CNOT4: variants seen among roughly 807,000 people sequenced by gnomAD.
CNOT4 encodes CCR4-associated factor 4.
Under a neutral mutation model 73.8 loss-of-function variants are expected in CNOT4, and 8 were observed. The observed-to-expected ratio is 0.11, with a 90% CI of 0.06 to 0.20. The LOEUF is 0.20. Among genes scored for constraint, CNOT4 ranks in the 10% least tolerant of loss-of-function variants. The pLI, the probability that CNOT4 is intolerant of heterozygous loss-of-function variation, is 1.00. For synonymous variants in CNOT4, 293 were observed against 321.1 expected, an observed-to-expected ratio of 0.91 and a Z score of 0.94; for missense variants, 564 against 883.4, an observed-to-expected ratio of 0.64 and a Z score of 4.58.
At chr7:135,457,333 G>A (rs1800601060) in intron 1 of CNOT4, among the ~76,000 whole-genome samples, 1 of 151,826 alleles carries the variant, frequency 6.6e-6, no homozygotes, top group South Asian at 2.1e-4. Flanking sequence ...AGAAATGGAA[G>A]GAAGAAATGT....
rs77841106 is a variant in CNOT4, at chr7:135,398,201, G to C, written c.847C>G (p.Leu283Val). The C allele has an allele frequency of 0.081, 124,971 of 1,539,744 alleles. 5,764 individuals carry two copies. The highest frequency in any genetic ancestry group is 0.094 in the Non-Finnish European group (104,893 of 1,113,312). Residue 283 changes from leucine to valine, a missense_variant, in exon 8 of 12, where the codon CTC becomes GTC. Leu to Val is a conservative substitution (Grantham distance 32, BLOSUM62 1). Coordinates refer to ENST00000541284, the MANE Select transcript of CNOT4 (RefSeq NM_001190850.2). Reference sequence around the variant, plus strand: ...GAATTATCACCGTTCCCTATACTGAGAGAATCTGAAGGTTTGTCAATGGGG... The same window carrying C: ...GAATTATCACCGTTCCCTATACTGACAGAATCTGAAGGTTTGTCAATGGGG... ...DTPIDKPSDS[L>V]SIGNGDNSQQ...
intron 2 of CNOT4, among the ~76,000 whole-genome samples, chr7:135,427,763 T>C (rs553420999): frequency 1.4e-5 from 2 of 145,382 alleles, no homozygotes; most frequent in Non-Finnish European, 3.0e-5. Context: ...AACATAAAAA[T>C]TTTTTTTTTC....
chr7:135,502,814 C>T (rs1475342253), intron 1 of CNOT4, among the ~76,000 whole-genome samples: 1 of 119,806 alleles, frequency 8.3e-6, no homozygotes, highest in Non-Finnish European at 1.8e-5. Flanking sequence ...AAAACTCCAT[C>T]TCAAAAAAAA....
At chr7:135,483,537 C>G (rs2129487369) in intron 1 of CNOT4, among the ~76,000 whole-genome samples, 1 of 151,668 alleles carries the variant, frequency 6.6e-6, no homozygotes, top group South Asian at 2.1e-4. Context: ...AAAAAAACTC[C>G]AAGCAGGCCA....
chr7:135,419,418 A>G (rs1329117675), intron 3 of CNOT4, among the ~76,000 whole-genome samples: 1 of 152,142 alleles, frequency 6.6e-6, no homozygotes, highest in Non-Finnish European at 1.5e-5. Flanking sequence ...CCAAATACTA[A>G]AAAGGTTATA....
chr7:135,475,836 A>G (rs1408030820), intron 1 of CNOT4, among the ~76,000 whole-genome samples: 1 of 152,130 alleles, frequency 6.6e-6, no homozygotes, highest in African/African-American at 2.4e-5. Context: ...GCTTGAGCCC[A>G]GGAAGTCAGG....
Position 135,394,202 on chromosome 7 carries a change from C to T in CNOT4, c.1343G>A (p.Gly448Asp). 3 of 1,614,112 alleles carry T rather than the reference C, an allele frequency of 1.9e-6. No homozygotes were observed. Among genetic ancestry groups the T allele is most frequent in the Non-Finnish European group, 2.5e-6 (3 of 1,179,992 alleles). ...AGGATGCAGGAATCCAGAGCCTGGA[C>T]CTTTGGCGGTTGTAGTGTGTGAAGA... ...NSSSHTTTAK[G>D]PGSGFLHPAA... The change falls in exon 10 of 12, where the codon GGT becomes GAT. Residue 448 changes from glycine to aspartate, a missense_variant. Physicochemically the swap from Gly to Asp is moderately conservative, Grantham distance 94. Around this residue, in one of 10 missense-constraint regions of CNOT4, gnomAD observed 153 missense variants for 158.7 expected, o/e 0.96. Coordinates refer to ENST00000541284, the MANE Select transcript of CNOT4 (RefSeq NM_001190850.2).
chr7:135,434,320 C>G (rs540879142), intron 2 of CNOT4, among the ~76,000 whole-genome samples: 7 of 152,364 alleles, frequency 4.6e-5, no homozygotes, highest in Admixed American at 2.0e-4. Flanking sequence ...CTGCGCTGAG[C>G]AGATTCTCTG....
At chr7:135,476,539 T>C (rs1005676555) in intron 1 of CNOT4, among the ~76,000 whole-genome samples, 1 of 152,226 alleles carries the variant, frequency 6.6e-6, no homozygotes, top group Non-Finnish European at 1.5e-5. Context: ...GAGCTGGGCA[T>C]AGTGGTATGC....
chr7:135,395,902 C>A lies in CNOT4; in HGVS notation c.880-19G>T. 1.9e-6 allele frequency: 3 copies of A among 1,545,630 alleles called. No individual in the cohort carries two copies. The highest frequency in any genetic ancestry group is 2.7e-6 in the Non-Finnish European group (3 of 1,119,482). ...TAGATATCTGAATAAAAAAGGAAAA[C>A]AAATAATAACTACATGTTTATACAT... On this transcript the variant is annotated intron_variant, in intron 8 of 11. Transcript: ENST00000541284.
intron 1 of CNOT4, among the ~76,000 whole-genome samples, chr7:135,504,296 T>C (rs1257407318): frequency 7.2e-6 from 1 of 139,436 alleles, no homozygotes; most frequent in East Asian, 2.1e-4. Flanking sequence ...GATCTACTAA[T>C]TTTTTTTTTT....
intron 7 of CNOT4, among the ~76,000 whole-genome samples, chr7:135,409,863 C>G (rs1797498443): frequency 6.6e-6 from 1 of 151,860 alleles, no homozygotes; most frequent in African/African-American, 2.4e-5. Flanking sequence ...TCTGACAGGC[C>G]ATAACAAAAT....
intron 1 of CNOT4, among the ~76,000 whole-genome samples, chr7:135,470,147 G>T (rs917267717): frequency 6.7e-6 from 1 of 149,938 alleles, no homozygotes; most frequent in Non-Finnish European, 1.5e-5. Flanking sequence ...GGGGGGGGAG[G>T]CCAGGGTCTC....
chr7:135,424,036 ACAAAAC>A (rs1168351894), intron 2 of CNOT4, among the ~76,000 whole-genome samples: 130 of 135,232 alleles, frequency 9.6e-4, no homozygotes, highest in Non-Finnish European at 1.3e-3. Flanking sequence ...AAACAAACAA[ACAAAAC>A]ACACACACAC....
At chr7:135,444,047 G>A (rs1172002632) in intron 1 of CNOT4, among the ~76,000 whole-genome samples, 2 of 151,992 alleles carry the variant, frequency 1.3e-5, no homozygotes, top group African/African-American at 2.4e-5. Flanking sequence ...GGCCGAGGTA[G>A]GAGGATCACC....
Position 135,393,988 on chromosome 7 carries a change from T to G in CNOT4, c.1557A>C (p.Ser519=), listed in dbSNP as rs755914315. 2 of 1,613,964 alleles carry G rather than the reference T, an allele frequency of 1.2e-6. No homozygotes were observed. The highest frequency in any genetic ancestry group is 2.2e-5 in the South Asian group (2 of 91,066). ...MHLNHTANPT[S]NSNFLDLNLP... is the part of the protein sequence containing the mutation. ...GATTCAAGTCCAAGAAATTACTATTTGAGGTGGGGTTTGCTGTGTGGTTCA... is the reference window on the plus strand; with the variant it reads ...GATTCAAGTCCAAGAAATTACTATTGGAGGTGGGGTTTGCTGTGTGGTTCA... Residue 519 remains serine, a synonymous_variant, in exon 10 of 12, where the codon TCA becomes TCC. Transcript: ENST00000541284.
rs1211207455 is a variant in CNOT4 at position 135,415,600 on chromosome 7, T to C, written c.373-338A>G. Among the ~76,000 whole-genome samples the C allele has an allele frequency of 2.0e-5, 3 of 152,208 alleles. No homozygotes were observed. The East Asian group carries it at 5.8e-4, about 29-fold the overall frequency. On this transcript the variant is annotated intron_variant, in intron 3 of 11. Coordinates refer to ENST00000541284, the MANE Select transcript of CNOT4 (RefSeq NM_001190850.2). ...AAACAGATCAAAGATCTTAACTACATTGCCATTAAGAGATGATCCTTACAC... is the reference window on the plus strand; with the variant it reads ...AAACAGATCAAAGATCTTAACTACACTGCCATTAAGAGATGATCCTTACAC...
chr7:135,366,367 G>A (rs1044309023), intron 10 of CNOT4, among the ~76,000 whole-genome samples: 16 of 152,144 alleles, frequency 1.1e-4, no homozygotes, highest in Middle Eastern at 3.4e-3. Flanking sequence ...ACAATTCTCC[G>A]TACTTCCCAC....
intron 1 of CNOT4, chr7:135,444,495 G>A: frequency 1.2e-6 from 1 of 853,018 alleles, no homozygotes; most frequent in South Asian, 1.3e-5. Context: ...CAGTGCCCAA[G>A]GAGGTCGAGC....
Sources: allele counts gnomAD v4.1 joint callset (sites outside exome capture counted in the v4.1 genomes callset), GRCh38; gene constraint gnomAD v4.1.1; regional missense constraint gnomAD v4.1.1; transcripts MANE v1.5; gene names NCBI Gene and HGNC (gene_info 2026-07-23, HGNC 2026-07-21).